ERC2: variants seen among roughly 807,000 people sequenced by gnomAD.
ERC2 encodes ERC protein 2.
ERC2 carries 42 observed loss-of-function variants against 114.8 expected under a neutral mutation model. That is an observed-to-expected ratio of 0.37 (90% CI 0.29 to 0.47). ERC2 has a LOEUF of 0.47. ERC2 is among the 20% of genes least tolerant of loss of function. ERC2 has a pLI of 0.99. For synonymous variants in ERC2, 454 were observed against 425.5 expected (o/e 1.07, Z -0.82); for missense variants, 939 against 1,150.7 (o/e 0.82, Z 2.66).
chr3:55,826,046 G>A (rs1188405319), intron 14 of ERC2, among the ~76,000 whole-genome samples: 3 of 151,366 alleles, frequency 2.0e-5, no homozygotes, highest in African/African-American at 7.3e-5. Flanking sequence ...AGGAAGGGAG[G>A]AAGGGAGGGA....
chr3:55,997,940 T>TG (rs2071721475), intron 10 of ERC2, among the ~76,000 whole-genome samples: 1 of 140,314 alleles, frequency 7.1e-6, no homozygotes, highest in African/African-American at 2.6e-5. Context: ...TTTTTTTTTT[T>TG]TTTTTGGTAG....
At chr3:56,168,876 T>C (rs2082466025) in intron 4 of ERC2, among the ~76,000 whole-genome samples, 1 of 152,174 alleles carries the variant, frequency 6.6e-6, no homozygotes, top group South Asian at 2.1e-4. Flanking sequence ...TGCAAAATCA[T>C]ATACTTTCAC....
At chr3:56,062,620 A>C (rs1262369584) in intron 7 of ERC2, among the ~76,000 whole-genome samples, 1 of 152,188 alleles carries the variant, frequency 6.6e-6, no homozygotes, top group Non-Finnish European at 1.5e-5. Context: ...GTTAAATGCT[A>C]TCGTTTCAGC....
At position 55,596,204 on chromosome 3, in the gene ERC2, C is replaced by T. The variant is rs1022412736; in HGVS notation, c.*40-84928G>A. 2.1e-4 allele frequency among the ~76,000 whole-genome samples: 32 copies of T among 152,198 alleles called. 1 individual carries two copies. Among genetic ancestry groups the T allele is most frequent in the Admixed American group, 1.6e-3 (25 of 15,294 alleles). ...AAAAAGGAGAAGGGAACAAAAGAACCATAATAAGAGAACATGCGAAATAAG... is the reference window on the plus strand; with the variant it reads ...AAAAAGGAGAAGGGAACAAAAGAACTATAATAAGAGAACATGCGAAATAAG... On this transcript the variant is annotated intron_variant, in intron 17 of 17. Coordinates refer to ENST00000288221, the MANE Select transcript of ERC2 (RefSeq NM_015576.3).
intron 2 of ERC2, among the ~76,000 whole-genome samples, chr3:56,331,220 C>G (rs2057597138): frequency 6.6e-6 from 1 of 152,148 alleles, no homozygotes; most frequent in African/African-American, 2.4e-5. Context: ...CCCTTGATAC[C>G]TGCTAAAGTT....
intron 2 of ERC2, among the ~76,000 whole-genome samples, chr3:56,413,543 G>A (rs574561103): frequency 5.3e-5 from 8 of 152,128 alleles, no homozygotes; most frequent in Admixed American, 3.9e-4. Context: ...CTCATCCTCC[G>A]TCTTCCATTT....
chr3:55,714,027 A>G (rs1354485790), intron 15 of ERC2, among the ~76,000 whole-genome samples: 1 of 152,168 alleles, frequency 6.6e-6, no homozygotes, highest in African/African-American at 2.4e-5. Flanking sequence ...TTTTATTCTC[A>G]TTTCATAAGA....
rs1225372743 is a variant in ERC2, at chr3:55,508,970, T to C, written c.*2346A>G. 1.3e-5 allele frequency: 2 copies of C among 152,666 alleles called. No individual in the cohort carries two copies. Among genetic ancestry groups the C allele is most frequent in the African/African-American group, 4.8e-5 (2 of 41,464 alleles). The allele number at this position is 152,666 out of a possible 1,614,324, so 9.5% of individuals were successfully genotyped here. A position where few individuals can be genotyped will look rare whatever the true frequency, so the allele number is the denominator to read the frequency against. On this transcript the variant is annotated 3_prime_UTR_variant, in exon 18 of 18. Transcript: ENST00000288221. The stretch of plus-strand genomic sequence containing the variant: ...AAATAGCTTCCCAACATCACAGTGT[T>C]TGTTGTAAACCCAGAGACTATTCTT...
chr3:55,944,399 A>G (rs368913324), intron 13 of ERC2, among the ~76,000 whole-genome samples: 26 of 152,338 alleles, frequency 1.7e-4, no homozygotes, highest in African/African-American at 6.3e-4. Context: ...TTCCATAGAA[A>G]TATATTGTGT....
At position 56,432,222 on chromosome 3, in the gene ERC2, A is replaced by T. The variant is rs150391650; in HGVS notation, c.657+2129T>A. ...CATCCTGTAATTTATAAATAAATATACATGTATAATTGGGGTCTGTGCTCA... is the reference window on the plus strand; with the variant it reads ...CATCCTGTAATTTATAAATAAATATTCATGTATAATTGGGGTCTGTGCTCA... On this transcript the variant is annotated intron_variant, in intron 2 of 17. Transcript: ENST00000288221. 2.4e-3 allele frequency among the ~76,000 whole-genome samples: 371 copies of T among 152,354 alleles called. 2 individuals carry two copies. Among genetic ancestry groups the T allele is most frequent in the African/African-American group, 8.4e-3 (350 of 41,582 alleles).
chr3:55,601,853 C>T (rs112526382), intron 17 of ERC2, among the ~76,000 whole-genome samples: 5 of 152,132 alleles, frequency 3.3e-5, no homozygotes, highest in African/African-American at 9.7e-5. Context: ...AACAAATATT[C>T]GGGCCTCTGG....
At chr3:56,162,634 C>T (rs1199240158) in intron 4 of ERC2, among the ~76,000 whole-genome samples, 5 of 152,172 alleles carry the variant, frequency 3.3e-5, no homozygotes, top group Non-Finnish European at 7.4e-5. Flanking sequence ...CGAATTTACC[C>T]AGTTCCTCTA....
chr3:55,955,276 G>C, intron 12 of ERC2: 1 of 370,728 alleles, frequency 2.7e-6, no homozygotes, highest in Non-Finnish European at 5.6e-6. Flanking sequence ...GTGTGTGTGT[G>C]TGTGTGTGTG....
Position 56,232,750 on chromosome 3 carries a change from G to A in ERC2, c.1075-59230C>T, listed in dbSNP as rs182740374. Among the ~76,000 whole-genome samples, 30 of 152,318 alleles carry A rather than the reference G, an allele frequency of 2.0e-4. No homozygotes were observed. The East Asian group carries it at 5.6e-3, about 28-fold the overall frequency. ...CCTTGATTCACTCCCAATTTAAAAT[G>A]TTTCCATGGATTCCCACTGTATTTA... On this transcript the variant is annotated intron_variant, in intron 3 of 17. Transcript: ENST00000288221.
intron 7 of ERC2, among the ~76,000 whole-genome samples, chr3:56,036,772 G>C (rs1159374728): frequency 6.6e-6 from 1 of 152,136 alleles, no homozygotes; most frequent in Non-Finnish European, 1.5e-5. Flanking sequence ...TGCAAATCAG[G>C]AGATTCCCTC....
At chr3:56,241,660 CAGAT>C (rs1384548406) in intron 3 of ERC2, among the ~76,000 whole-genome samples, 1 of 152,108 alleles carries the variant, frequency 6.6e-6, no homozygotes, top group African/African-American at 2.4e-5. Flanking sequence ...ATCATAGAAA[CAGAT>C]AGTTCCCCCT....
intron 13 of ERC2, 54 bp from the exon 14 acceptor site, chr3:55,888,603 C>A: frequency 6.3e-7 from 1 of 1,597,362 alleles, no homozygotes; most frequent in Non-Finnish European, 8.6e-7. Flanking sequence ...AAGCACAAGA[C>A]ATCCCTTGTT....
chr3:56,189,334 C>T (rs914387335), intron 3 of ERC2, among the ~76,000 whole-genome samples: 11 of 152,194 alleles, frequency 7.2e-5, no homozygotes, highest in Non-Finnish European at 1.3e-4. Context: ...AATGCAAGAG[C>T]TCAAATAAGA....
chr3:55,753,227 C>A (rs989554243), intron 14 of ERC2, among the ~76,000 whole-genome samples: 19 of 152,038 alleles, frequency 1.2e-4, no homozygotes, highest in Non-Finnish European at 2.1e-4. Context: ...AACATACTTC[C>A]CCCCAATCCC....
Sources: gnomAD v4.1 joint callset for allele counts (sites outside exome capture counted in the v4.1 genomes callset) on GRCh38, gnomAD v4.1.1 for gene constraint, MANE v1.5 for transcripts, NCBI Gene and HGNC (gene_info 2026-07-23, HGNC 2026-07-21) for gene names.